GRID1: variants seen among roughly 807,000 people sequenced by gnomAD.
The protein encoded by GRID1 is glutamate receptor ionotropic, delta-1.
GRID1 carries 28 observed loss-of-function variants against 98.0 expected under a neutral mutation model. The observed-to-expected ratio is 0.29, with a 90% CI of 0.21 to 0.39. The LOEUF is 0.39. Ranked by LOEUF, GRID1 falls within the 10% of genes least tolerant of loss-of-function variation. The probability of loss-of-function intolerance (pLI) is 1.00; values close to 1 mark genes in which losing one functional copy is unlikely to be tolerated. For missense variants in GRID1, 1,111 were observed against 1,340.5 expected, an observed-to-expected ratio of 0.83 and a Z score of 2.67; for synonymous variants, 553 against 538.5, an observed-to-expected ratio of 1.03 and a Z score of -0.37.
At chr10:86,071,977 A>G (rs1564666306) in intron 4 of GRID1, among the ~76,000 whole-genome samples, 1 of 152,214 alleles carries the variant, frequency 6.6e-6, no homozygotes, top group Non-Finnish European at 1.5e-5. Context: ...GCAGATGCCA[A>G]GAGAGGGGAG....
At chr10:86,307,297 G>A (rs1589444200) in intron 2 of GRID1, among the ~76,000 whole-genome samples, 1 of 152,088 alleles carries the variant, frequency 6.6e-6, no homozygotes, top group South Asian at 2.1e-4. Context: ...AACAGCCTAA[G>A]TGGCCATCAA....
At chr10:85,963,128 C>T (rs1842291852) in intron 4 of GRID1, among the ~76,000 whole-genome samples, 1 of 152,078 alleles carries the variant, frequency 6.6e-6, no homozygotes, top group Non-Finnish European at 1.5e-5. Flanking sequence ...ATCATGGATT[C>T]CAGAACATGT....
At chr10:85,634,495 G>GTGATGACAATGATAATAACAGTAT (rs1843014244) in intron 13 of GRID1, among the ~76,000 whole-genome samples, 1 of 152,052 alleles carries the variant, frequency 6.6e-6, no homozygotes, top group African/African-American at 2.4e-5. Flanking sequence ...AATAACAGTA[G>GTGATGACAATGATAATAACAGTAT]TAATAACAAA....
chr10:85,860,524 T>A (rs1843154580), intron 6 of GRID1, among the ~76,000 whole-genome samples: 1 of 152,164 alleles, frequency 6.6e-6, no homozygotes, highest in South Asian at 2.1e-4. Flanking sequence ...TGGGCTCTAT[T>A]GTAAGTGAGG....
intron 5 of GRID1, among the ~76,000 whole-genome samples, chr10:85,909,306 A>T (rs1200103342): frequency 6.6e-6 from 1 of 152,218 alleles, no homozygotes; most frequent in African/African-American, 2.4e-5. Flanking sequence ...ACCGAAGAGG[A>T]TATGAAGCAA....
chr10:85,858,720 TA>T (rs1489242244), intron 6 of GRID1, among the ~76,000 whole-genome samples: 1 of 152,328 alleles, frequency 6.6e-6, no homozygotes, highest in East Asian at 1.9e-4. Context: ...TTCATGGGTC[TA>T]CCAGCCACCA....
chr10:85,812,744 C>T (rs188627580), intron 8 of GRID1, among the ~76,000 whole-genome samples: 1 of 151,794 alleles, frequency 6.6e-6, no homozygotes, highest in Non-Finnish European at 1.5e-5. Context: ...CTCTCTCTCT[C>T]TCTCTCTCCC....
At chr10:85,996,625 G>C (rs1842741244) in intron 4 of GRID1, among the ~76,000 whole-genome samples, 1 of 151,992 alleles carries the variant, frequency 6.6e-6, no homozygotes, top group Non-Finnish European at 1.5e-5. Context: ...TGTGTTATCA[G>C]AGCAACCAGT....
At chr10:86,331,153 C>T (rs1397065444) in intron 2 of GRID1, among the ~76,000 whole-genome samples, 1 of 152,236 alleles carries the variant, frequency 6.6e-6, no homozygotes, top group Non-Finnish European at 1.5e-5. Context: ...GCTGGCTTGG[C>T]CTGGCCCACG....
chr10:86,126,580 T>G (rs1328573739), intron 4 of GRID1, among the ~76,000 whole-genome samples: 6 of 152,262 alleles, frequency 3.9e-5, no homozygotes, highest in African/African-American at 1.4e-4. Flanking sequence ...ACTATTCTCA[T>G]AGTTAATGAG....
intron 4 of GRID1, among the ~76,000 whole-genome samples, chr10:86,123,435 T>C (rs1251652811): frequency 6.6e-6 from 1 of 152,186 alleles, no homozygotes; most frequent in Non-Finnish European, 1.5e-5. Flanking sequence ...CAAAGGCCAG[T>C]GTGGAAACAG....
chr10:85,681,771 C>G (rs1841211879), intron 12 of GRID1, among the ~76,000 whole-genome samples: 2 of 152,284 alleles, frequency 1.3e-5, no homozygotes, highest in South Asian at 4.2e-4. Flanking sequence ...CCATATTAAA[C>G]AGCAAGCTGC....
intron 5 of GRID1, among the ~76,000 whole-genome samples, chr10:85,894,571 T>C (rs1187454606): frequency 6.6e-6 from 1 of 152,212 alleles, no homozygotes; most frequent in Non-Finnish European, 1.5e-5. Context: ...ATTTTACAAA[T>C]GTATATTTCA....
rs35787022 is a variant in GRID1, at chr10:85,930,256, G to A, written c.727-14017C>T. Among the ~76,000 whole-genome samples the A allele has an allele frequency of 8.0e-4, 72 of 90,532 alleles. 1 individual carries two copies. Among genetic ancestry groups the A allele is most frequent in the Admixed American group, 2.2e-3 (22 of 10,156 alleles). The allele number at this position is 90,532 out of a possible 152,430, so 59.4% of individuals were successfully genotyped here. ...TTATTTTTAACTACAAATAACTTGC[G>A]GTTATTTATAACTACAAATAACTTG... On this transcript the variant is annotated intron_variant, in intron 4 of 15. Coordinates refer to ENST00000327946, the MANE Select transcript of GRID1 (RefSeq NM_017551.3).
chr10:86,263,467 C>T (rs968041071), intron 2 of GRID1, among the ~76,000 whole-genome samples: 1 of 152,344 alleles, frequency 6.6e-6, no homozygotes, highest in Admixed American at 6.5e-5. Flanking sequence ...CAGCGTGCAG[C>T]ACCAAGTCAC....
At chr10:86,068,129 G>A (rs946746070) in intron 4 of GRID1, among the ~76,000 whole-genome samples, 3 of 152,154 alleles carry the variant, frequency 2.0e-5, no homozygotes, top group Admixed American at 6.5e-5. Flanking sequence ...GGAAAACGTC[G>A]CCATTTACAG....
intron 12 of GRID1, among the ~76,000 whole-genome samples, chr10:85,689,187 C>T (rs1841305056): frequency 6.6e-6 from 1 of 152,138 alleles, no homozygotes; most frequent in African/African-American, 2.4e-5. Flanking sequence ...CAAAAAATTA[C>T]AACTTTGTAG....
intron 2 of GRID1, among the ~76,000 whole-genome samples, chr10:86,363,361 C>G (rs1444675927): frequency 1.3e-5 from 2 of 152,200 alleles, no homozygotes; most frequent in Admixed American, 1.3e-4. Flanking sequence ...GCGCGGACAG[C>G]GAGAGAGAAA....
intron 13 of GRID1, among the ~76,000 whole-genome samples, chr10:85,622,452 G>C (rs1159978228): frequency 6.6e-6 from 1 of 151,984 alleles, no homozygotes; most frequent in Non-Finnish European, 1.5e-5. Flanking sequence ...TGTTGCCCAG[G>C]CTGAACTTGA....
Sources: gnomAD v4.1 joint callset for allele counts (sites outside exome capture counted in the v4.1 genomes callset) on GRCh38, gnomAD v4.1.1 for gene constraint, MANE v1.5 for transcripts, NCBI Gene and HGNC (gene_info 2026-07-23, HGNC 2026-07-21) for gene names.